Variants in SLC2A14 observed in about 807,000 individuals in gnomAD.
SLC2A14 encodes the protein solute carrier family 2, facilitated glucose transporter member 14.
Under a neutral mutation model 43.0 loss-of-function variants are expected in SLC2A14, and 13 were observed. The observed-to-expected ratio is 0.30, with a 90% CI of 0.20 to 0.48. SLC2A14 has a LOEUF of 0.48. Ranked by LOEUF, SLC2A14 falls within the 20% of genes least tolerant of loss-of-function variation. SLC2A14 has a pLI of 0.99. For synonymous variants in SLC2A14, 190 were observed against 233.8 expected (o/e 0.81, Z 1.71); for missense variants, 428 against 620.4 (o/e 0.69, Z 3.29).
chr12:7,826,834 T>TTCCTTCCTTCC (rs1864398710), intron 7 of SLC2A14, among the ~76,000 whole-genome samples: 1 of 29,570 alleles, frequency 3.4e-5, no homozygotes, highest in Non-Finnish European at 7.1e-5. Flanking sequence ...TCTTTCTTTC[T>TTCCTTCCTTCC]TTCCTTCCTT....
chr12:7,870,959 A>C, intron 1 of SLC2A14: 2 of 1,431,208 alleles, frequency 1.4e-6, no homozygotes, highest in Non-Finnish European at 1.9e-6. Flanking sequence ...CCAGGAGTTT[A>C]AGGAGGCTTT....
At chr12:7,850,427 G>A (rs189890222) in intron 2 of SLC2A14, among the ~76,000 whole-genome samples, 10 of 152,038 alleles carry the variant, frequency 6.6e-5, no homozygotes, top group Non-Finnish European at 1.0e-4. Context: ...ACGGAGTCTC[G>A]CTCTGTCACC....
chr12:7,884,260 G>T (rs1945651639), intron 1 of SLC2A14, among the ~76,000 whole-genome samples: 1 of 152,124 alleles, frequency 6.6e-6, no homozygotes, highest in Non-Finnish European at 1.5e-5. Context: ...CTATAAGTTT[G>T]AACTCTTTCT....
chr12:7,878,739 G>A (rs1945507926), intron 1 of SLC2A14, among the ~76,000 whole-genome samples: 1 of 151,672 alleles, frequency 6.6e-6, no homozygotes, highest in Non-Finnish European at 1.5e-5. Flanking sequence ...AGCACTTTCG[G>A]AGGCCAAGGT....
chr12:7,870,377 G>GCAT (rs1325324978), intron 1 of SLC2A14, among the ~76,000 whole-genome samples: 70 of 152,246 alleles, frequency 4.6e-4, no homozygotes, highest in Non-Finnish European at 2.4e-4. Flanking sequence ...TCTCCTCATA[G>GCAT]CATCACCTTA....
intron 2 of SLC2A14, among the ~76,000 whole-genome samples, chr12:7,848,415 T>C (rs1353684163): frequency 1.3e-5 from 2 of 152,084 alleles, no homozygotes; most frequent in African/African-American, 2.4e-5. Flanking sequence ...TTCTTGTTCT[T>C]TGTTTTTCTT....
chr12:7,873,566 A>C (rs1484043333), upstream of SLC2A14: 3 of 159,124 alleles, frequency 1.9e-5, no homozygotes, highest in African/African-American at 7.2e-5. Context: ...GCTTGAACCC[A>C]GGAGGCGGAG....
Position 7,813,973 on chromosome 12 carries a change from C to T in SLC2A14, c.*343G>A, listed in dbSNP as rs1180934272. The T allele has an allele frequency of 3.3e-6, 1 of 306,750 alleles. No homozygotes were observed. The highest frequency in any genetic ancestry group is 6.4e-6 in the Non-Finnish European group (1 of 155,334). The allele number at this position is 306,750 out of a possible 1,614,324, so 19.0% of individuals were successfully genotyped here. A position where few individuals can be genotyped will look rare whatever the true frequency, so the allele number is the denominator to read the frequency against. ...TAAGTCTGAGGTTGGGGCAACTGCA[C>T]CTTACTTTTCCTCTCCTATATCCTC... On this transcript the variant is annotated 3_prime_UTR_variant, in exon 11 of 11. Coordinates refer to ENST00000431042, the MANE Select transcript of SLC2A14 (RefSeq NM_001286234.2).
chr12:7,828,759 A>G lies in SLC2A14; in HGVS notation c.621T>C (p.Pro207=). The change falls in exon 6 of 11, where the codon CCT becomes CCC. Residue 207 remains proline (P), a synonymous_variant. Coordinates refer to ENST00000431042, the MANE Select transcript of SLC2A14 (RefSeq NM_001286234.2). ...TAATGAGCAAAAATCTGGGACTTTC[A>G]GGGCAACATGGAAGGGCTGCACTTT... The part of the protein sequence containing the change: ...ILQSAALPCC[P]ESPRFLLINR... 1.2e-6 allele frequency: 2 copies of G among 1,614,152 alleles called. No homozygotes were observed. The highest frequency in any genetic ancestry group is 1.3e-5 in the African/African-American group (1 of 75,036).
intron 10 of SLC2A14, among the ~76,000 whole-genome samples, chr12:7,814,972 G>C (rs1356874639): frequency 1.3e-5 from 2 of 151,844 alleles, no homozygotes; most frequent in African/African-American, 4.8e-5. Flanking sequence ...GCTAATTTTT[G>C]TATTTTTAGC....
Position 7,826,883 on chromosome 12 carries a change from TTC to T in SLC2A14, c.864+610_864+611del, listed in dbSNP as rs1156468658. On this transcript the variant is annotated intron_variant, in intron 7 of 10. Transcript: ENST00000431042. ...CTTTTTTCTTTCTTTCTTTCTTTCTTTCTTTCTTTCTTTCTTTCTTTCTTTCT... is the reference window on the plus strand; with the variant it reads ...CTTTTTTCTTTCTTTCTTTCTTTCTTTTTCTTTCTTTCTTTCTTTCTTTCT... 2.6e-3 allele frequency among the ~76,000 whole-genome samples: 175 copies of T among 67,486 alleles called. 14 individuals carry two copies. Among genetic ancestry groups the T allele is most frequent in the Middle Eastern group, 6.3e-3 (1 of 158 alleles). The allele number at this position is 67,486 out of a possible 152,430, so 44.3% of individuals were successfully genotyped here.
At chr12:7,863,856 C>T (rs1944757006) in intron 2 of SLC2A14, among the ~76,000 whole-genome samples, 1 of 150,902 alleles carries the variant, frequency 6.6e-6, no homozygotes, top group African/African-American at 2.4e-5. Flanking sequence ...CTCACTGTTG[C>T]CCAGGCTGGG....
At chr12:7,844,334 C>G (rs1244464073) in intron 2 of SLC2A14, among the ~76,000 whole-genome samples, 1 of 152,110 alleles carries the variant, frequency 6.6e-6, no homozygotes, top group Non-Finnish European at 1.5e-5. Context: ...TTCCTTCTTA[C>G]TGCTGAGTAG....
At chr12:7,862,159 GTGGCTGAGGCAGCAGA>G (rs1944599990) in intron 2 of SLC2A14, among the ~76,000 whole-genome samples, 1 of 149,064 alleles carries the variant, frequency 6.7e-6, no homozygotes, top group Admixed American at 6.7e-5. Context: ...AGCTACTCAG[GTGGCTGAGGCAGCAGA>G]ATTGCTTGAA....
intron 1 of SLC2A14, among the ~76,000 whole-genome samples, chr12:7,882,668 C>G (rs1341422165): frequency 6.6e-6 from 1 of 152,134 alleles, no homozygotes; most frequent in African/African-American, 2.4e-5. Context: ...TAAACCTCAT[C>G]TCTACTAAAA....
At position 7,872,903 on chromosome 12, in the gene SLC2A14, G is replaced by C; in HGVS notation, c.-154C>G. On this transcript the variant is annotated 5_prime_UTR_variant, in exon 1 of 11. Coordinates refer to ENST00000431042, the MANE Select transcript of SLC2A14 (RefSeq NM_001286234.2). The stretch of plus-strand genomic sequence containing the variant: ...CCCGCCGGCCCCGCCTGCAGCCGTT[G>C]GGACCCACTAACTGCCTCGAAAAGC... 1.5e-5 allele frequency: 15 copies of C among 985,562 alleles called. No homozygotes were observed. The highest frequency in any genetic ancestry group is 1.8e-5 in the Non-Finnish European group (15 of 830,090). The allele number at this position is 985,562 out of a possible 1,614,324, so 61.1% of individuals were successfully genotyped here.
intron 1 of SLC2A14, chr12:7,870,838 C>G (rs1214465338): frequency 8.0e-7 from 1 of 1,257,362 alleles, no homozygotes; most frequent in African/African-American, 1.5e-5. Context: ...AGCCCCCACC[C>G]ACCTGAAGCC....
intron 2 of SLC2A14, among the ~76,000 whole-genome samples, chr12:7,857,182 G>A (rs894849596): frequency 2.0e-5 from 3 of 152,070 alleles, no homozygotes; most frequent in African/African-American, 7.2e-5. Context: ...CCCAGGAGGT[G>A]GAGGTTGCAG....
intron 5 of SLC2A14, 108 bp from the exon 6 acceptor site, chr12:7,828,974 G>T: frequency 7.2e-7 from 1 of 1,384,516 alleles, no homozygotes; most frequent in Non-Finnish European, 9.8e-7. Flanking sequence ...TGTAATTCCA[G>T]CACTTTGGAA....
Sources: allele counts gnomAD v4.1 joint callset (sites outside exome capture counted in the v4.1 genomes callset), GRCh38; gene constraint gnomAD v4.1.1; transcripts MANE v1.5; gene names NCBI Gene and HGNC (gene_info 2026-07-23, HGNC 2026-07-21).